PCMT1: variants seen among roughly 807,000 people sequenced by gnomAD.
PCMT1 encodes protein-L-isoaspartate (D-aspartate) O-methyltransferase.
Under a neutral mutation model 29.2 loss-of-function variants are expected in PCMT1, and 9 were observed. The ratio of observed to expected loss-of-function variants is 0.31; its 90% CI spans 0.19 to 0.54. The LOEUF is 0.54. Among genes scored for constraint, PCMT1 ranks in the 20% least tolerant of loss-of-function variants. The probability of loss-of-function intolerance (pLI) is 0.95; values close to 1 mark genes in which losing one functional copy is unlikely to be tolerated. For missense variants in PCMT1, 184 were observed against 282.2 expected (o/e 0.65, Z 2.49); for synonymous variants, 98 against 97.5 (o/e 1.00, Z -0.03).
At chr6:149,786,046 C>G (rs1346973523) in intron 3 of PCMT1, among the ~76,000 whole-genome samples, 3 of 145,656 alleles carry the variant, frequency 2.1e-5, no homozygotes, top group South Asian at 4.4e-4. Context: ...GCTGACCCCC[C>G]CACCTCCCTC....
intron 3 of PCMT1, among the ~76,000 whole-genome samples, chr6:149,781,895 C>G (rs1206884784): frequency 6.6e-6 from 1 of 152,156 alleles, no homozygotes; most frequent in East Asian, 1.9e-4. Flanking sequence ...CAATTTCCCA[C>G]TTTTCTCATT....
intron 2 of PCMT1, chr6:149,771,988 C>G (rs1314010195): frequency 2.2e-6 from 1 of 456,514 alleles, no homozygotes; most frequent in Non-Finnish European, 4.4e-6. Context: ...ATTTGCCCTG[C>G]TTTTTTGGCT....
In PCMT1 at chr6:149,749,772, C is replaced by G. The variant is rs575924664; in HGVS notation, c.-130C>G. 6.5e-7 allele frequency: 1 copy of G among 1,548,968 alleles called. No individual in the cohort carries two copies. The highest frequency in any genetic ancestry group is 1.4e-5 in the African/African-American group (1 of 72,988). On this transcript the variant is annotated 5_prime_UTR_variant, in exon 1 of 8. Coordinates refer to ENST00000464889, the MANE Select transcript of PCMT1 (RefSeq NM_001360452.2). ...GCGGCAGCGGCGGCGACGGCAGTAA[C>G]AGCGGCAGCTACAGCGGGGACGCGA...
rs374534669 is a variant in PCMT1 at position 149,771,215 on chromosome 6, C to T, written c.109C>T (p.Arg37Cys). The change falls in exon 2 of 8, where the codon CGC (arginine) becomes TGC (cysteine). Residue 37 changes from arginine to cysteine, a missense_variant. Transcript: ENST00000464889. Reference sequence around the variant, plus strand: ...ATTTGAAGTGATGCTGGCTACAGACCGCTCCCACTATGCAAAATGTAACCC... The same window carrying T: ...ATTTGAAGTGATGCTGGCTACAGACTGCTCCCACTATGCAAAATGTAACCC... ...KVFEVMLATDRSHYAKCNPYM... is the reference protein window; with the variant it reads ...KVFEVMLATDCSHYAKCNPYM... The T allele has an allele frequency of 1.9e-6, 3 of 1,612,590 alleles. No individual in the cohort carries two copies. Among genetic ancestry groups the T allele is most frequent in the East Asian group, 2.2e-5 (1 of 44,850 alleles).
intron 1 of PCMT1, among the ~76,000 whole-genome samples, chr6:149,755,780 G>A (rs1433331124): frequency 6.6e-6 from 1 of 152,162 alleles, no homozygotes; most frequent in East Asian, 1.9e-4. Context: ...ACTCCCTCTT[G>A]TAGCTTCTAA....
chr6:149,786,676 G>T (rs537515160), intron 3 of PCMT1, among the ~76,000 whole-genome samples: 1 of 151,550 alleles, frequency 6.6e-6, no homozygotes, highest in Non-Finnish European at 1.5e-5. Context: ...CCTCCCAGAC[G>T]GGGTCGCGGC....
chr6:149,785,319 T>C (rs1332211636), intron 3 of PCMT1, among the ~76,000 whole-genome samples: 1 of 141,070 alleles, frequency 7.1e-6, no homozygotes, highest in Non-Finnish European at 1.5e-5. Context: ...AATAGGGCAT[T>C]TTCGTTCTAT....
chr6:149,773,034 A>T (rs550990742), intron 2 of PCMT1, 104 bp from the exon 3 acceptor site: 1 of 959,228 alleles, frequency 1.0e-6, no homozygotes, highest in Non-Finnish European at 1.6e-6. Context: ...AAAAAAAAAA[A>T]AGAATTATTG....
At chr6:149,794,696 G>C (rs1788527787) in intron 5 of PCMT1, 2 of 399,372 alleles carry the variant, frequency 5.0e-6, no homozygotes, top group African/African-American at 2.1e-5. Flanking sequence ...TGGCTGAGGA[G>C]GAAGTGGAGG....
At chr6:149,752,387 C>T (rs1480404553) in intron 1 of PCMT1, among the ~76,000 whole-genome samples, 5 of 151,474 alleles carry the variant, frequency 3.3e-5, no homozygotes, top group Admixed American at 2.6e-4. Context: ...TTAGTAGAAA[C>T]GGGGTTTCAC....
Position 149,749,745 on chromosome 6 carries a change from T to TGGCGGC in PCMT1, c.-156_-151dup, listed in dbSNP as rs1554249844. 5 of 1,546,134 alleles carry TGGCGGC rather than the reference T, an allele frequency of 3.2e-6. No homozygotes were observed. The highest frequency in any genetic ancestry group is 4.4e-6 in the Non-Finnish European group (5 of 1,144,708). Reference sequence around the variant, plus strand: ...CGCGGGGGATGCCGGGAGCGCGCAGTGGCGGCAGCGGCGGCGACGGCAGTA... The same window carrying TGGCGGC: ...CGCGGGGGATGCCGGGAGCGCGCAGTGGCGGCGGCGGCAGCGGCGGCGACGGCAGTA... On this transcript the variant is annotated 5_prime_UTR_variant, in exon 1 of 8. Transcript: ENST00000464889.
In PCMT1 at chr6:149,779,607, C is replaced by T. The variant is rs553950791; in HGVS notation, c.192+6438C>T. Among the ~76,000 whole-genome samples the T allele has an allele frequency of 1.4e-4, 22 of 151,966 alleles. 1 individual carries two copies. The highest frequency in any genetic ancestry group is 1.9e-4 in the East Asian group (1 of 5,138). On this transcript the variant is annotated intron_variant, in intron 3 of 7. Coordinates refer to ENST00000464889, the MANE Select transcript of PCMT1 (RefSeq NM_001360452.2). The stretch of plus-strand genomic sequence containing the variant: ...GGTGGGTCACCTGAGGTCAGGAGTT[C>T]GAGACCAGCCTGGCCAACATGGCAA...
intron 1 of PCMT1, among the ~76,000 whole-genome samples, chr6:149,752,768 G>C (rs1334594824): frequency 6.6e-6 from 1 of 152,108 alleles, no homozygotes; most frequent in Non-Finnish European, 1.5e-5. Context: ...GTAGGCACTT[G>C]GCTGTGGCAG....
At chr6:149,789,901 T>C (rs1293684822) in intron 3 of PCMT1, 53 bp from the exon 4 acceptor site, 1 of 1,176,918 alleles carries the variant, frequency 8.5e-7, no homozygotes, top group African/African-American at 1.5e-5. Flanking sequence ...TTTATTTATA[T>C]ACCATGATGT....
At chr6:149,772,743 C>T (rs1787386322) in intron 2 of PCMT1, 1 of 371,996 alleles carries the variant, frequency 2.7e-6, no homozygotes, top group Non-Finnish European at 5.2e-6. Flanking sequence ...GAAAGCCGGG[C>T]GTGGTGGCTC....
At chr6:149,795,820 T>A (rs576692871) in intron 5 of PCMT1, 1 of 183,936 alleles carries the variant, frequency 5.4e-6, no homozygotes, top group South Asian at 1.2e-4. Flanking sequence ...TATAGTTTGC[T>A]GCCCATAAGG....
chr6:149,761,065 A>G (rs1786718765), intron 1 of PCMT1, among the ~76,000 whole-genome samples: 1 of 151,882 alleles, frequency 6.6e-6, no homozygotes. Flanking sequence ...ATACACACAT[A>G]TATAAAACTG....
At chr6:149,770,550 C>A (rs1361427147) in intron 1 of PCMT1, among the ~76,000 whole-genome samples, 4 of 151,628 alleles carry the variant, frequency 2.6e-5, no homozygotes, top group African/African-American at 4.8e-5. Context: ...ACTAAAAATA[C>A]AAAAAATTAG....
chr6:149,796,517 TC>T lies in PCMT1; in HGVS notation c.504+18del, dbSNP rs1271187910. ...CCCCAGGCGGTGAGTCGGGATTTTT[TC>T]TGTTTGTGTGTTTTTATTCAACTAA... On this transcript the variant is annotated intron_variant, in intron 6 of 7. Transcript: ENST00000464889. The T allele has an allele frequency of 6.3e-7, 1 of 1,585,338 alleles. No homozygotes were observed.
Sources: allele counts gnomAD v4.1 joint callset (sites outside exome capture counted in the v4.1 genomes callset), GRCh38; gene constraint gnomAD v4.1.1; transcripts MANE v1.5; gene names NCBI Gene and HGNC (gene_info 2026-07-23, HGNC 2026-07-21).